SLC25A12: variants seen among roughly 807,000 people sequenced by gnomAD.
SLC25A12 encodes electrogenic aspartate/glutamate antiporter SLC25A12, mitochondrial.
SLC25A12 carries 32 observed loss-of-function variants against 83.3 expected under a neutral mutation model. The observed-to-expected ratio is 0.38, with a 90% confidence interval of 0.29 to 0.52. The LOEUF (loss-of-function observed/expected upper bound fraction) is 0.52, where lower values mean the gene tolerates loss of function less well. Ranked by LOEUF, SLC25A12 falls within the 20% of genes least tolerant of loss-of-function variation. SLC25A12 has a pLI of 0.84. For missense variants in SLC25A12, 611 were observed against 835.6 expected, an observed-to-expected ratio of 0.73 and a Z score of 3.31; for synonymous variants, 267 against 291.1, an observed-to-expected ratio of 0.92 and a Z score of 0.84.
intron 2 of SLC25A12, among the ~76,000 whole-genome samples, chr2:171,885,111 GC>G (rs1574008080): frequency 6.6e-6 from 1 of 151,138 alleles, no homozygotes; most frequent in East Asian, 2.0e-4. Flanking sequence ...TACTCGGGAG[GC>G]TGAGGCAGGA....
intron 2 of SLC25A12, among the ~76,000 whole-genome samples, chr2:171,876,554 G>A (rs1685578954): frequency 1.5e-5 from 2 of 131,306 alleles, no homozygotes; most frequent in Admixed American, 7.5e-5. Context: ...GGGGGGGGGG[G>A]GACTCAAGTG....
intron 3 of SLC25A12, among the ~76,000 whole-genome samples, chr2:171,867,965 C>G (rs188926582): frequency 9.9e-4 from 151 of 152,238 alleles, no homozygotes; most frequent in Middle Eastern, 3.4e-3. Context: ...CTATCTCAGG[C>G]TCCCAAGTAG....
At chr2:171,847,916 G>A (rs938863799) in intron 4 of SLC25A12, among the ~76,000 whole-genome samples, 71 of 152,094 alleles carry the variant, frequency 4.7e-4, no homozygotes, top group African/African-American at 1.7e-3. Context: ...AGCAGGTAAC[G>A]GTGACAACTG....
At chr2:171,822,735 T>A (rs761841734) in intron 9 of SLC25A12, among the ~76,000 whole-genome samples, 1 of 152,226 alleles carries the variant, frequency 6.6e-6, no homozygotes, top group Non-Finnish European at 1.5e-5. Context: ...GGATGTTACA[T>A]AATCAGTGGC....
intron 8 of SLC25A12, among the ~76,000 whole-genome samples, chr2:171,831,989 G>C (rs1220676609): frequency 1.3e-5 from 2 of 152,062 alleles, no homozygotes; most frequent in Non-Finnish European, 2.9e-5. Context: ...TTATATAAAG[G>C]AGCTCTAATT....
chr2:171,828,690 A>G (rs1158976133), intron 8 of SLC25A12, among the ~76,000 whole-genome samples: 1 of 152,150 alleles, frequency 6.6e-6, no homozygotes, highest in Non-Finnish European at 1.5e-5. Flanking sequence ...CCTTGAGATT[A>G]CCTGTAATCC....
intron 13 of SLC25A12, among the ~76,000 whole-genome samples, chr2:171,794,114 A>T (rs1208076367): frequency 6.6e-6 from 1 of 152,218 alleles, no homozygotes; most frequent in African/African-American, 2.4e-5. Context: ...GCAGCAAGGT[A>T]CTCAATGAAA....
Position 171,872,403 on chromosome 2 carries a change from C to T in SLC25A12, c.67-3580G>A, listed in dbSNP as rs189563128. Among the ~76,000 whole-genome samples, 98 of 151,934 alleles carry T rather than the reference C, an allele frequency of 6.5e-4. 1 individual carries two copies. The South Asian group carries it at 7.1e-3, about 11-fold the overall frequency. On this transcript the variant is annotated intron_variant, in intron 2 of 17. Coordinates refer to ENST00000422440, the MANE Select transcript of SLC25A12 (RefSeq NM_003705.5). ...TTTTCTTCCTTATTCTTAATATGTA[C>T]GAGATAATTGGACATGTTCCACCAA...
chr2:171,882,657 G>C (rs757307918), intron 2 of SLC25A12, among the ~76,000 whole-genome samples: 2 of 152,190 alleles, frequency 1.3e-5, no homozygotes, highest in Non-Finnish European at 2.9e-5. Flanking sequence ...GACTGAAATA[G>C]TACTGACTAA....
At chr2:171,805,594 T>C (rs1432697521) in intron 13 of SLC25A12, among the ~76,000 whole-genome samples, 31 of 152,184 alleles carry the variant, frequency 2.0e-4, no homozygotes, top group Admixed American at 2.0e-3. Flanking sequence ...AAGGTTTTAG[T>C]TTTTTCAACT....
Position 171,840,007 on chromosome 2 carries a change from T to C in SLC25A12, c.466-2740A>G, listed in dbSNP as rs149967972. 3.3e-5 allele frequency among the ~76,000 whole-genome samples: 5 copies of C among 152,212 alleles called. No individual in the cohort carries two copies. The East Asian group carries it at 9.6e-4, about 29-fold the overall frequency. The stretch of plus-strand genomic sequence containing the variant: ...CTGAACCAGCATAGACCACACACAG[T>C]TGAGAGGGAGAATACTACAGTGAAA... On this transcript the variant is annotated intron_variant, in intron 5 of 17. Coordinates refer to ENST00000422440, the MANE Select transcript of SLC25A12 (RefSeq NM_003705.5).
intron 2 of SLC25A12, among the ~76,000 whole-genome samples, chr2:171,886,383 C>T (rs1685818598): frequency 1.3e-5 from 2 of 151,490 alleles, no homozygotes; most frequent in South Asian, 4.2e-4. Context: ...CTCATGCCAC[C>T]ACCACACCCA....
chr2:171,814,194 C>A (rs1430704840), intron 10 of SLC25A12, among the ~76,000 whole-genome samples: 1 of 152,014 alleles, frequency 6.6e-6, no homozygotes, highest in Non-Finnish European at 1.5e-5. Context: ...TCAGGCTTAT[C>A]TTAAAAAATC....
chr2:171,876,550 G>GGC (rs1558941976), intron 2 of SLC25A12, among the ~76,000 whole-genome samples: 2 of 141,844 alleles, frequency 1.4e-5, no homozygotes, highest in Non-Finnish European at 3.1e-5. Flanking sequence ...TTTTGGGGGG[G>GGC]GGGGGACTCA....
chr2:171,842,580 G>C (rs1558927759), intron 5 of SLC25A12, among the ~76,000 whole-genome samples: 1 of 152,008 alleles, frequency 6.6e-6, no homozygotes, highest in Non-Finnish European at 1.5e-5. Context: ...GATAACAAGA[G>C]CGAAATTCTG....
intron 13 of SLC25A12, among the ~76,000 whole-genome samples, chr2:171,798,834 G>A (rs1683652949): frequency 6.6e-6 from 1 of 152,220 alleles, no homozygotes; most frequent in Admixed American, 6.5e-5. Flanking sequence ...ACTAGGGTAA[G>A]GGAAGTGCTA....
At chr2:171,854,164 TAC>T (rs1226840928) in intron 4 of SLC25A12, among the ~76,000 whole-genome samples, 1 of 152,198 alleles carries the variant, frequency 6.6e-6, no homozygotes, top group Non-Finnish European at 1.5e-5. Flanking sequence ...TGCCTTAAAC[TAC>T]AGAATCTAGG....
At chr2:171,870,671 T>C (rs1685439873) in intron 2 of SLC25A12, among the ~76,000 whole-genome samples, 1 of 151,972 alleles carries the variant, frequency 6.6e-6, no homozygotes. Flanking sequence ...GAGGAAGTAG[T>C]ACAAGGAAGC....
At position 171,791,512 on chromosome 2, in the gene SLC25A12, A is replaced by G. The variant is rs1351608711; in HGVS notation, c.1524T>C (p.Leu508=). The change falls in exon 15 of 18, where the codon CTT becomes CTC. Residue 508 remains leucine, a synonymous_variant. Coordinates refer to ENST00000422440, the MANE Select transcript of SLC25A12 (RefSeq NM_003705.5). The part of the protein sequence containing the change: ...YFPVYAHCKL[L]LADENGHVGG... The stretch of plus-strand genomic sequence containing the variant: ...CCACGTGTCCATTTTCATCAGCCAG[A>G]AGTAGTTTGCAATGAGCATAAACAG... 1 of 1,614,014 alleles carries G rather than the reference A, an allele frequency of 6.2e-7. No individual in the cohort carries two copies. Among genetic ancestry groups the G allele is most frequent in the East Asian group, 2.2e-5 (1 of 44,888 alleles).
Sources: allele counts gnomAD v4.1 joint callset (sites outside exome capture counted in the v4.1 genomes callset), GRCh38; gene constraint gnomAD v4.1.1; transcripts MANE v1.5; gene names NCBI Gene and HGNC (gene_info 2026-07-23, HGNC 2026-07-21).